The following CSMD1 variants were observed in gnomAD, a reference collection of about 807,000 sequenced individuals.
CSMD1 encodes the protein CUB and Sushi multiple domains 1.
A neutral mutation model predicts 417.5 loss-of-function variants in CSMD1; 213 were observed. The ratio of observed to expected loss-of-function variants is 0.51; its 90% CI spans 0.46 to 0.57. CSMD1 has a LOEUF of 0.57. CSMD1 is among the 20% of genes least tolerant of loss of function. The probability of loss-of-function intolerance (pLI) is 0.00; values close to 1 mark genes in which losing one functional copy is unlikely to be tolerated. For missense variants in CSMD1, 6,923 were observed against 4,529.7 expected (o/e 1.53, Z -15.17); for synonymous variants, 2,862 against 1,736.8 (o/e 1.65, Z -16.11).
At chr8:4,785,165 G>T (rs769694682) in intron 1 of CSMD1, among the ~76,000 whole-genome samples, 2 of 152,174 alleles carry the variant, frequency 1.3e-5, no homozygotes, top group Non-Finnish European at 2.9e-5. Flanking sequence ...CCATAGCTTT[G>T]CTGAATATGA....
intron 33 of CSMD1, 100 bp downstream of exon 33, chr8:3,199,614 T>C: frequency 1.9e-6 from 1 of 532,500 alleles, no homozygotes; most frequent in Middle Eastern, 5.0e-4. Flanking sequence ...ATTACAAAAA[T>C]GCAGCTGAGA....
chr8:4,013,509 G>C (rs77368976), intron 4 of CSMD1, among the ~76,000 whole-genome samples: 1 of 152,272 alleles, frequency 6.6e-6, no homozygotes, highest in East Asian at 1.9e-4. Flanking sequence ...TCCAGGCAGT[G>C]ACCAGGCAGA....
At chr8:4,073,577 G>T (rs550809410) in intron 3 of CSMD1, among the ~76,000 whole-genome samples, 1 of 152,030 alleles carries the variant, frequency 6.6e-6, no homozygotes, top group African/African-American at 2.4e-5. Context: ...ACAGTATGAG[G>T]GATATATTCA....
At chr8:3,835,631 C>T (rs1001970405) in intron 5 of CSMD1, among the ~76,000 whole-genome samples, 7 of 151,278 alleles carry the variant, frequency 4.6e-5, no homozygotes, top group Admixed American at 1.3e-4. Context: ...TTAATGGGTG[C>T]AGCACACCAA....
At chr8:4,595,181 G>C (rs898337601) in intron 2 of CSMD1, among the ~76,000 whole-genome samples, 1 of 151,840 alleles carries the variant, frequency 6.6e-6, no homozygotes, top group Non-Finnish European at 1.5e-5. Context: ...CTAATTAATT[G>C]CAGAAACATC....
intron 9 of CSMD1, among the ~76,000 whole-genome samples, chr8:3,580,490 A>C (rs1487123607): frequency 2.0e-5 from 3 of 152,284 alleles, no homozygotes; most frequent in East Asian, 3.9e-4. Context: ...AATAGCACCA[A>C]CTTAAGGTTA....
intron 3 of CSMD1, among the ~76,000 whole-genome samples, chr8:4,374,971 G>GT (rs1233878868): frequency 3.0e-5 from 4 of 133,206 alleles, no homozygotes; most frequent in East Asian, 2.8e-4. Context: ...TGGGGGGGGG[G>GT]GGCGATAGTG....
intron 5 of CSMD1, among the ~76,000 whole-genome samples, chr8:3,929,936 A>C (rs934528013): frequency 6.6e-6 from 1 of 150,380 alleles, no homozygotes; most frequent in African/African-American, 2.5e-5. Flanking sequence ...CGCTGGGATT[A>C]CAGGCCTCAT....
At chr8:4,716,103 T>A (rs1340731688) in intron 1 of CSMD1, among the ~76,000 whole-genome samples, 1 of 152,132 alleles carries the variant, frequency 6.6e-6, no homozygotes, top group African/African-American at 2.4e-5. Flanking sequence ...GGACTCTTAG[T>A]CGGGAGACTC....
chr8:4,801,322 T>C (rs561411424), intron 1 of CSMD1, among the ~76,000 whole-genome samples: 22 of 152,150 alleles, frequency 1.4e-4, no homozygotes, highest in African/African-American at 5.3e-4. Flanking sequence ...AGGGTGGAAG[T>C]GGAAGATGTG....
In CSMD1 at chr8:3,657,122, G is replaced by C. The variant is rs888690958; in HGVS notation, c.1010-40325C>G. On this transcript the variant is annotated intron_variant, in intron 7 of 69. Coordinates refer to ENST00000635120, the MANE Select transcript of CSMD1 (RefSeq NM_033225.6). ...ACTGGACATTGTCATTGGAGAATAT[G>C]GCATCATCTGTCCCTAGCATTTGGC... is the stretch of plus-strand genomic sequence containing the variant. Among the ~76,000 whole-genome samples, 12 of 152,166 alleles carry C rather than the reference G, an allele frequency of 7.9e-5. 1 individual carries two copies. The East Asian group carries it at 2.3e-3, about 29-fold the overall frequency.
intron 49 of CSMD1, among the ~76,000 whole-genome samples, chr8:3,083,702 C>T (rs1490758042): frequency 1.7e-5 from 2 of 115,736 alleles, no homozygotes; most frequent in African/African-American, 6.7e-5. Context: ...GTCTCCCAGG[C>T]TGGAGTGCAG....
chr8:4,352,213 G>C (rs181734500), intron 3 of CSMD1, among the ~76,000 whole-genome samples: 9 of 152,278 alleles, frequency 5.9e-5, no homozygotes, highest in African/African-American at 1.4e-4. Context: ...GCCCCACTTA[G>C]AGCTAATGCA....
intron 10 of CSMD1, among the ~76,000 whole-genome samples, chr8:3,521,083 G>A (rs570591839): frequency 6.6e-6 from 1 of 152,056 alleles, no homozygotes; most frequent in Non-Finnish European, 1.5e-5. Flanking sequence ...TAATTTTACT[G>A]TCATTATCTC....
chr8:4,499,950 A>T (rs7018337), intron 2 of CSMD1, among the ~76,000 whole-genome samples: 3,676 of 152,280 alleles, frequency 0.024, 131 homozygotes, highest in East Asian at 0.078. Flanking sequence ...GGTAGTATGC[A>T]TGGAAAGAAA....
intron 1 of CSMD1, among the ~76,000 whole-genome samples, chr8:4,946,361 T>C (rs745681715): frequency 5.3e-5 from 8 of 152,148 alleles, no homozygotes; most frequent in Non-Finnish European, 8.8e-5. Context: ...TTAGTCACCA[T>C]TGAGAAATGC....
chr8:4,301,953 C>G lies in CSMD1; in HGVS notation c.415+118000G>C, dbSNP rs1182919210. On this transcript the variant is annotated intron_variant, in intron 3 of 69. Coordinates refer to ENST00000635120, the MANE Select transcript of CSMD1 (RefSeq NM_033225.6). Reference sequence around the variant, plus strand: ...GGCTCTTTTCAAACTAATGCCTTATCCTTCTTAGTGCCTCAAACTAGATCC... The same window carrying G: ...GGCTCTTTTCAAACTAATGCCTTATGCTTCTTAGTGCCTCAAACTAGATCC... 3.9e-5 allele frequency among the ~76,000 whole-genome samples: 6 copies of G among 152,134 alleles called. No homozygotes were observed. The East Asian group carries it at 5.8e-4, about 15-fold the overall frequency.
intron 54 of CSMD1, among the ~76,000 whole-genome samples, chr8:2,980,104 A>G (rs1357493881): frequency 1.3e-5 from 2 of 152,164 alleles, no homozygotes; most frequent in Non-Finnish European, 2.9e-5. Context: ...CCCGGGCTGG[A>G]ACACTAAAGA....
At chr8:3,700,593 A>G (rs562925966) in intron 7 of CSMD1, 54 of 152,252 alleles carry the variant, frequency 3.5e-4, no homozygotes, top group African/African-American at 1.2e-3. Flanking sequence ...CTCAAGATAC[A>G]TGATATTTAG....
Sources: gnomAD v4.1 joint callset for allele counts (sites outside exome capture counted in the v4.1 genomes callset) on GRCh38, gnomAD v4.1.1 for gene constraint, MANE v1.5 for transcripts, NCBI Gene and HGNC (gene_info 2026-07-23, HGNC 2026-07-21) for gene names.